Variants in KLHL1 observed in about 807,000 individuals in gnomAD.
The protein encoded by KLHL1 is kelch-like protein 1.
Under a neutral mutation model 77.7 loss-of-function variants are expected in KLHL1, and 47 were observed. The observed-to-expected ratio is 0.60, with a 90% CI of 0.48 to 0.77. KLHL1 has a LOEUF of 0.77. Among genes scored for constraint, KLHL1 ranks in the 30% least tolerant of loss-of-function variants. The probability of loss-of-function intolerance (pLI) is 0.00; values close to 1 mark genes in which losing one functional copy is unlikely to be tolerated. For synonymous variants in KLHL1, 360 were observed against 325.2 expected (o/e 1.11, Z -1.15); for missense variants, 925 against 910.8 (o/e 1.02, Z -0.20).
chr13:69,785,891 G>A (rs1490961737), intron 7 of KLHL1, among the ~76,000 whole-genome samples: 1 of 152,038 alleles, frequency 6.6e-6, no homozygotes, highest in Non-Finnish European at 1.5e-5. Flanking sequence ...CTACGCAAAT[G>A]AACTAGAAAA....
intron 1 of KLHL1, among the ~76,000 whole-genome samples, chr13:70,078,900 A>G (rs187523294): frequency 6.8e-4 from 103 of 152,316 alleles, no homozygotes; most frequent in Non-Finnish European, 1.2e-3. Context: ...CCACTTAAAC[A>G]ACTAGTCCTC....
chr13:69,702,032 A>G (rs1280425471), intron 10 of KLHL1, among the ~76,000 whole-genome samples: 1 of 151,794 alleles, frequency 6.6e-6, no homozygotes, highest in Non-Finnish European at 1.5e-5. Flanking sequence ...TTAACCTGCT[A>G]TAGAAAAGTT....
chr13:69,792,688 G>T (rs1432948999), intron 7 of KLHL1, among the ~76,000 whole-genome samples: 1 of 152,076 alleles, frequency 6.6e-6, no homozygotes, highest in African/African-American at 2.4e-5. Context: ...CTTAATAATG[G>T]AATATTGTTC....
intron 9 of KLHL1, among the ~76,000 whole-genome samples, chr13:69,711,428 ATATT>A (rs1275164930): frequency 3.9e-5 from 6 of 152,124 alleles, no homozygotes; most frequent in Admixed American, 6.6e-5. Flanking sequence ...CAAAATCTAT[ATATT>A]AATTAATTTT....
chr13:69,876,132 A>G (rs1482990554), intron 5 of KLHL1, among the ~76,000 whole-genome samples: 1 of 152,160 alleles, frequency 6.6e-6, no homozygotes, highest in African/African-American at 2.4e-5. Flanking sequence ...AGCCTTGGAG[A>G]CACTTATCAA....
At chr13:69,832,633 C>A (rs1878806345) in intron 6 of KLHL1, among the ~76,000 whole-genome samples, 1 of 135,732 alleles carries the variant, frequency 7.4e-6, no homozygotes, top group South Asian at 2.2e-4. Context: ...GCCTGCCTAG[C>A]CAAAGCAAGA....
rs1267974458 is a variant in KLHL1, at chr13:70,009,064, G to T, written c.498-33262C>A. Among the ~76,000 whole-genome samples the T allele has an allele frequency of 1.1e-4, 17 of 151,976 alleles. 1 individual carries two copies. Among genetic ancestry groups the T allele is most frequent in the Admixed American group, 1.1e-3 (17 of 15,228 alleles). ...CTTTTTAAACATTTAGAATAATTGG[G>T]GGGTTTTGAAAAACCTTATGTATTT... On this transcript the variant is annotated intron_variant, in intron 1 of 10. Transcript: ENST00000377844.
chr13:69,792,226 T>C (rs1045718875), intron 7 of KLHL1, among the ~76,000 whole-genome samples: 2 of 151,636 alleles, frequency 1.3e-5, no homozygotes, highest in Admixed American at 1.3e-4. Flanking sequence ...AACTCAACAA[T>C]AAAAAGAAAA....
At chr13:69,969,684 A>C (rs1884321911) in intron 2 of KLHL1, among the ~76,000 whole-genome samples, 1 of 152,128 alleles carries the variant, frequency 6.6e-6, no homozygotes, top group African/African-American at 2.4e-5. Flanking sequence ...CATACTAAAT[A>C]CTGCTAACTC....
At position 69,944,644 on chromosome 13, in the gene KLHL1, A is replaced by T. The variant is rs187022805; in HGVS notation, c.818-4408T>A. 1.7e-4 allele frequency among the ~76,000 whole-genome samples: 26 copies of T among 152,300 alleles called. No individual in the cohort carries two copies. In the East Asian group the frequency reaches 5.0e-3, roughly 29 times the overall value. ...ATTGCTAAGATTTCATTTCACACCA[A>T]ATTAATCTATAGATGTACTACAATA... On this transcript the variant is annotated intron_variant, in intron 3 of 10. Transcript: ENST00000377844.
intron 1 of KLHL1, among the ~76,000 whole-genome samples, chr13:70,007,639 C>T (rs1885436633): frequency 6.6e-6 from 1 of 151,950 alleles, no homozygotes. Context: ...CTGTCTTTAC[C>T]TGTAAGGTAT....
At chr13:70,043,557 T>C (rs1241001532) in intron 1 of KLHL1, among the ~76,000 whole-genome samples, 1 of 152,220 alleles carries the variant, frequency 6.6e-6, no homozygotes. Flanking sequence ...GAAGCTCCAT[T>C]CATGGTAAAT....
At chr13:69,730,064 T>C (rs373291087) in intron 8 of KLHL1, among the ~76,000 whole-genome samples, 8 of 152,268 alleles carry the variant, frequency 5.3e-5, no homozygotes, top group African/African-American at 1.9e-4. Flanking sequence ...AGATAGACAA[T>C]TTAGTCATAA....
At chr13:69,990,785 C>A (rs542727722) in intron 1 of KLHL1, among the ~76,000 whole-genome samples, 1 of 152,074 alleles carries the variant, frequency 6.6e-6, no homozygotes, top group African/African-American at 2.4e-5. Context: ...AGGACCTGAA[C>A]TCAACACTTG....
intron 1 of KLHL1, among the ~76,000 whole-genome samples, chr13:70,004,923 A>G (rs1191980491): frequency 6.6e-6 from 1 of 151,542 alleles, no homozygotes; most frequent in Non-Finnish European, 1.5e-5. Flanking sequence ...CTATATATTT[A>G]TGTTTATATC....
At chr13:69,731,379 T>C (rs1873536689) in intron 8 of KLHL1, among the ~76,000 whole-genome samples, 1 of 152,178 alleles carries the variant, frequency 6.6e-6, no homozygotes, top group East Asian at 1.9e-4. Context: ...AGTCTCAGTA[T>C]TCCTCAGAAG....
Position 70,074,774 on chromosome 13 carries a change from G to A in KLHL1, c.497+32429C>T, listed in dbSNP as rs538805283. ...AAAAAAAATTATGCTGTTGATCATA[G>A]CCAGTACAATAAAGCAATAAATTAA... On this transcript the variant is annotated intron_variant, in intron 1 of 10. Coordinates refer to ENST00000377844, the MANE Select transcript of KLHL1 (RefSeq NM_020866.3). Among the ~76,000 whole-genome samples, 87 of 150,384 alleles carry A rather than the reference G, an allele frequency of 5.8e-4. 1 individual carries two copies. Among genetic ancestry groups the A allele is most frequent in the Middle Eastern group, 3.5e-3 (1 of 288 alleles).
intron 1 of KLHL1, among the ~76,000 whole-genome samples, chr13:70,039,056 A>ATTT (rs35184766): frequency 4.2e-4 from 52 of 124,688 alleles, no homozygotes; most frequent in African/African-American, 1.3e-3. Context: ...TCCTTTGCAC[A>ATTT]TTTTTTTTTT....
intron 9 of KLHL1, among the ~76,000 whole-genome samples, chr13:69,709,316 A>G (rs4555033): frequency 0.28 from 42,254 of 151,968 alleles, 8,204 homozygotes; most frequent in African/African-American, 0.54. Context: ...GAAATATGCA[A>G]AGATTTTTAA....
Sources: allele counts gnomAD v4.1 joint callset (sites outside exome capture counted in the v4.1 genomes callset), GRCh38; gene constraint gnomAD v4.1.1; transcripts MANE v1.5; gene names NCBI Gene and HGNC (gene_info 2026-07-23, HGNC 2026-07-21).